Variants in MED15 observed in about 807,000 individuals in gnomAD.
MED15 encodes the protein mediator of RNA polymerase II transcription subunit 15.
In MED15, 41 loss-of-function variants were observed where a neutral mutation model predicts 118.7. The observed-to-expected ratio is 0.35, with a 90% CI of 0.27 to 0.45. MED15 has a LOEUF of 0.45. Ranked by LOEUF, MED15 falls within the 20% of genes least tolerant of loss-of-function variation. The pLI, the probability that MED15 is intolerant of heterozygous loss-of-function variation, is 1.00. For missense variants in MED15, 740 were observed against 1,025.5 expected, an observed-to-expected ratio of 0.72 and a Z score of 3.80; for synonymous variants, 436 against 413.9, an observed-to-expected ratio of 1.05 and a Z score of -0.65.
chr22:20,574,757 T>G (rs1396944687), intron 8 of MED15: 1 of 204,270 alleles, frequency 4.9e-6, no homozygotes, highest in Non-Finnish European at 1.0e-5. Flanking sequence ...AAACACCAGC[T>G]CAGGCCCTCA....
At chr22:20,566,333 C>T in intron 6 of MED15, 134 bp from the exon 7 acceptor site, 2 of 1,495,852 alleles carry the variant, frequency 1.3e-6, no homozygotes, top group Non-Finnish European at 9.0e-7. Context: ...AGCCACTGCA[C>T]CCAGCCAGGA....
chr22:20,569,852 G>A (rs540233141), intron 8 of MED15, among the ~76,000 whole-genome samples: 1 of 152,126 alleles, frequency 6.6e-6, no homozygotes, highest in South Asian at 2.1e-4. Flanking sequence ...TGTGTGTCTC[G>A]GCATGTCCTC....
intron 1 of MED15, among the ~76,000 whole-genome samples, chr22:20,532,999 C>A (rs1038458072): frequency 6.6e-6 from 1 of 152,078 alleles, no homozygotes; most frequent in Non-Finnish European, 1.5e-5. Flanking sequence ...GACAGTGGCT[C>A]GAAGGGTTTT....
chr22:20,543,111 TTGTGTGTGTGTGTGTGTGTGTGTGTGTG>T (rs61279859), intron 2 of MED15, among the ~76,000 whole-genome samples: 5 of 141,274 alleles, frequency 3.5e-5, no homozygotes, highest in Non-Finnish European at 6.0e-5. Flanking sequence ...TCTCTCTTCT[TTGTGTGTGTGTGTGTGTGTGTGTGTGTG>T]TGTGTGTGTG....
intron 1 of MED15, among the ~76,000 whole-genome samples, chr22:20,526,181 C>T (rs983287416): frequency 5.9e-5 from 9 of 152,066 alleles, no homozygotes; most frequent in Non-Finnish European, 8.8e-5. Flanking sequence ...CCACCACACT[C>T]GGCCTCATTT....
At chr22:20,554,658 G>T (rs527733867) in intron 4 of MED15, 1 of 311,638 alleles carries the variant, frequency 3.2e-6, no homozygotes. Context: ...CCCATCTTTA[G>T]TGTATCTGCA....
In MED15 at chr22:20,575,094, T is replaced by C; in HGVS notation, c.1153-19T>C. On this transcript the variant is annotated intron_variant, in intron 8 of 17. Coordinates refer to ENST00000263205, the MANE Select transcript of MED15 (RefSeq NM_001003891.3). ...TCTTTGTTGCGATCACCTTGTCTGT[T>C]GTCCCTCTGTCCTCAAAGATGATCA... is the stretch of plus-strand genomic sequence containing the variant. The C allele has an allele frequency of 6.2e-7, 1 of 1,613,264 alleles. No homozygotes were observed. The highest frequency in any genetic ancestry group is 8.5e-7 in the Non-Finnish European group (1 of 1,179,980).
At chr22:20,583,535 CTGG>C in intron 13 of MED15, 142 bp downstream of exon 13, 1 of 923,164 alleles carries the variant, frequency 1.1e-6, no homozygotes, top group Non-Finnish European at 1.7e-6. Flanking sequence ...AGGCTCCACT[CTGG>C]TGTGTGCTGG....
chr22:20,564,610 G>A lies in MED15; in HGVS notation c.612G>A (p.Val204=), dbSNP rs2056367732. ...TGCAGCAGCAGTTCCAAGCAGTAGT[G>A]CAGCAGCAGCAGCAGCTCCAGCAGC... The part of the protein sequence containing the change: ...SAMQQQFQAV[V]QQQQQLQQQQ... Residue 204 remains valine (V), a synonymous_variant, in exon 6 of 18, where the codon GTG becomes GTA. Coordinates refer to ENST00000263205, the MANE Select transcript of MED15 (RefSeq NM_001003891.3). The A allele has an allele frequency of 6.3e-7, 1 of 1,582,376 alleles. No individual in the cohort carries two copies.
intron 5 of MED15, among the ~76,000 whole-genome samples, chr22:20,560,726 T>C (rs2056204620): frequency 6.6e-6 from 1 of 152,212 alleles, no homozygotes; most frequent in Non-Finnish European, 1.5e-5. Flanking sequence ...TTTACTTACA[T>C]AATAGATTAT....
chr22:20,574,982 GC>G, intron 8 of MED15, 130 bp from the exon 9 acceptor site: 1 of 1,382,198 alleles, frequency 7.2e-7, no homozygotes, highest in Non-Finnish European at 1.0e-6. Context: ...CTCCCAGGCT[GC>G]CCCGAGCTGC....
intron 9 of MED15, among the ~76,000 whole-genome samples, chr22:20,580,609 A>C (rs1423667033): frequency 6.6e-6 from 1 of 152,152 alleles, no homozygotes; most frequent in Non-Finnish European, 1.5e-5. Context: ...TGGGCTGAGC[A>C]TGGGGCCCAG....
At chr22:20,544,179 G>A (rs570522626) in intron 2 of MED15, among the ~76,000 whole-genome samples, 6 of 151,928 alleles carry the variant, frequency 3.9e-5, no homozygotes, top group Non-Finnish European at 7.4e-5. Flanking sequence ...TTTAACATCC[G>A]CATTTCTACC....
chr22:20,560,607 G>A (rs1268779658), intron 5 of MED15, among the ~76,000 whole-genome samples: 1 of 152,104 alleles, frequency 6.6e-6, no homozygotes, highest in Admixed American at 6.6e-5. Flanking sequence ...TGTTGCCCAG[G>A]CTGGTCTTGA....
intron 1 of MED15, among the ~76,000 whole-genome samples, chr22:20,512,777 CAG>C (rs1017011936): frequency 2.6e-4 from 38 of 146,384 alleles, no homozygotes; most frequent in Non-Finnish European, 1.3e-4. Flanking sequence ...TTTTTTGAGA[CAG>C]AGTCTCACTC....
At chr22:20,514,176 T>G (rs539479022) in intron 1 of MED15, among the ~76,000 whole-genome samples, 9 of 152,172 alleles carry the variant, frequency 5.9e-5, no homozygotes, top group Non-Finnish European at 1.3e-4. Context: ...TTGTTGACTC[T>G]TTATTGAACA....
At chr22:20,545,317 A>G (rs1326091327) in intron 2 of MED15, among the ~76,000 whole-genome samples, 1 of 152,050 alleles carries the variant, frequency 6.6e-6, no homozygotes, top group African/African-American at 2.4e-5. Flanking sequence ...TGCCTCTACT[A>G]AAAATACAAA....
At position 20,514,402 on chromosome 22, in the gene MED15, G is replaced by A. The variant is rs577747705; in HGVS notation, c.68+6656G>A. On this transcript the variant is annotated intron_variant, in intron 1 of 17. Transcript: ENST00000263205. ...ATATTTAAGCTGTGAATGAACAAAA[G>A]GACCTTATCAGCTATTTTCTTTCAA... Among the ~76,000 whole-genome samples the A allele has an allele frequency of 3.9e-5, 6 of 152,256 alleles. No individual in the cohort carries two copies. In the South Asian group the frequency reaches 1.2e-3, roughly 32 times the overall value.
At chr22:20,517,090 G>A (rs1050922348) in intron 1 of MED15, among the ~76,000 whole-genome samples, 2 of 151,200 alleles carry the variant, frequency 1.3e-5, no homozygotes, top group Non-Finnish European at 2.9e-5. Flanking sequence ...CCACCATGCT[G>A]GCTAATTTTC....
Sources: allele counts gnomAD v4.1 joint callset (sites outside exome capture counted in the v4.1 genomes callset), GRCh38; gene constraint gnomAD v4.1.1; transcripts MANE v1.5; gene names NCBI Gene and HGNC (gene_info 2026-07-23, HGNC 2026-07-21).